SH2B1: variants seen among roughly 807,000 people sequenced by gnomAD.
The protein encoded by SH2B1 is SH2B adaptor protein 1.
SH2B1 carries 15 observed loss-of-function variants against 62.6 expected under a neutral mutation model. The observed-to-expected ratio is 0.24, with a 90% CI of 0.16 to 0.37. The LOEUF (loss-of-function observed/expected upper bound fraction) is 0.37. Among genes scored for constraint, SH2B1 ranks in the 10% least tolerant of loss-of-function variants. SH2B1 has a pLI of 1.00. For missense variants in SH2B1, 925 were observed against 1,015.6 expected (o/e 0.91, Z 1.21); for synonymous variants, 443 against 438.0 (o/e 1.01, Z -0.14).
chr16:28,870,222 G>A (rs573640880), intron 4 of SH2B1, among the ~76,000 whole-genome samples: 4 of 152,332 alleles, frequency 2.6e-5, no homozygotes, highest in East Asian at 3.9e-4. Context: ...TCTGTGTCCC[G>A]GGCCAGGATG....
upstream of SH2B1, among the ~76,000 whole-genome samples, chr16:28,861,189 G>A (rs1351484274): frequency 2.6e-5 from 4 of 152,094 alleles, no homozygotes; most frequent in Non-Finnish European, 5.9e-5. Flanking sequence ...CTGGAGTGCC[G>A]TGGGACGATT....
chr16:28,863,346 G>GT (rs1555511326), upstream of SH2B1: 2 of 240,688 alleles, frequency 8.3e-6, no homozygotes, highest in Non-Finnish European at 1.6e-5. Flanking sequence ...AACCAAGGTC[G>GT]TAAGTTCAGG....
At chr16:28,853,102 TTATA>T (rs1962238313) in intron 1 of SH2B1, among the ~76,000 whole-genome samples, 1 of 121,292 alleles carries the variant, frequency 8.2e-6, no homozygotes, top group Admixed American at 9.8e-5. Context: ...ACATATATAT[TTATA>T]TATACATTTA....
intron 1 of SH2B1, among the ~76,000 whole-genome samples, chr16:28,852,788 A>C (rs1374769612): frequency 2.3e-5 from 2 of 85,588 alleles, no homozygotes; most frequent in Admixed American, 2.1e-4. Flanking sequence ...ATATTTACAT[A>C]TATATTTACA....
At chr16:28,863,570 T>C, upstream of SH2B1, 9 of 1,083,590 alleles carry the variant, frequency 8.3e-6, no homozygotes, top group East Asian at 2.6e-5. Context: ...AGGCCGGTTC[T>C]CTATGGTCGA....
At position 28,866,046 on chromosome 16, in the gene SH2B1, C is replaced by G; in HGVS notation, c.-49C>G. 1 of 1,505,420 alleles carries G rather than the reference C, an allele frequency of 6.6e-7. No homozygotes were observed. 93.3% of individuals were successfully genotyped at this position (1,505,420 alleles called of 1,614,324 possible). On this transcript the variant is annotated 5_prime_UTR_variant, in exon 1 of 8. Transcript: ENST00000684370. This position sits in a 1 kb window ranked among gnomAD's most constrained non-coding sequence, Gnocchi z 6.3. Reference sequence around the variant, plus strand: ...CCCACCCCTCGTCTTCTGGCTGCCTCCCTCTTTGTGCCCCACAGGCTCCCC... The same window carrying G: ...CCCACCCCTCGTCTTCTGGCTGCCTGCCTCTTTGTGCCCCACAGGCTCCCC...
chr16:28,872,960 C>T lies in SH2B1; in HGVS notation c.1897+255C>T, dbSNP rs1184550240. On this transcript the variant is annotated intron_variant, in intron 7 of 7. Coordinates refer to ENST00000684370, the MANE Select transcript of SH2B1 (RefSeq NM_001387430.1). This position sits in a 1 kb window ranked among gnomAD's most constrained non-coding sequence, Gnocchi z 5.3. Reference sequence around the variant, plus strand: ...GTGGGCGGGCGCATCCCCATTCCATCGGATCCTCTGTTCCATTGTCTGTCT... The same window carrying T: ...GTGGGCGGGCGCATCCCCATTCCATTGGATCCTCTGTTCCATTGTCTGTCT... The T allele has an allele frequency of 4.7e-6, 3 of 638,650 alleles. No individual in the cohort carries two copies. The highest frequency in any genetic ancestry group is 8.2e-6 in the Non-Finnish European group (3 of 367,492). 39.6% of individuals were successfully genotyped at this position (638,650 alleles called of 1,614,324 possible).
In SH2B1 at chr16:28,866,315, A is replaced by G. The variant is rs368638960; in HGVS notation, c.221A>G (p.Gln74Arg). ...FSRRFAELFL[Q>R]HFEAEVARAS... ...CGCCGTTTTGCTGAGCTCTTCCTGC[A>G]GCACTTTGAAGCCGAGGTGGCCCGG... Residue 74 changes from glutamine (Q) to arginine (R), a missense_variant, in exon 1 of 8, where the codon CAG becomes CGG. Gln to Arg is a conservative substitution (Grantham distance 43, BLOSUM62 1). This residue lies in a region of SH2B1 where 683 missense variants were observed against 704.0 expected (regional missense o/e 0.97). Transcript: ENST00000684370. This position sits in a 1 kb window ranked among gnomAD's most constrained non-coding sequence, Gnocchi z 6.3. The G allele has an allele frequency of 6.2e-7, 1 of 1,611,696 alleles. No homozygotes were observed. The highest frequency in any genetic ancestry group is 2.2e-5 in the East Asian group (1 of 44,850).
In SH2B1 at chr16:28,864,077, A is replaced by C. The variant is rs1962551127; in HGVS notation, c.-2018A>C. Reference sequence around the variant, plus strand: ...GGGCTGGAGAGGCACTCGGCCCCGGAGAGTGCAGCAGACAGGGCTGGTCCC... The same window carrying C: ...GGGCTGGAGAGGCACTCGGCCCCGGCGAGTGCAGCAGACAGGGCTGGTCCC... On this transcript the variant is annotated 5_prime_UTR_variant, in exon 1 of 8. Transcript: ENST00000684370. 7.5e-7 allele frequency: 1 copy of C among 1,325,718 alleles called. No individual in the cohort carries two copies. Among genetic ancestry groups the C allele is most frequent in the African/African-American group, 1.5e-5 (1 of 66,220 alleles). The allele number at this position is 1,325,718 out of a possible 1,614,324, so 82.1% of individuals were successfully genotyped here.
intron 4 of SH2B1, among the ~76,000 whole-genome samples, chr16:28,871,533 C>G (rs556496848): frequency 6.6e-6 from 1 of 152,320 alleles, no homozygotes; most frequent in African/African-American, 2.4e-5. Flanking sequence ...GCTGTTGATT[C>G]AGAAAAAGAT....
intron 1 of SH2B1, among the ~76,000 whole-genome samples, chr16:28,852,261 CATAT>C (rs1156273952): frequency 2.8e-5 from 2 of 71,780 alleles, no homozygotes; most frequent in African/African-American, 1.6e-4. Flanking sequence ...TATATATTTA[CATAT>C]ATATATTTAC....
Position 28,866,681 on chromosome 16 carries a change from G to T in SH2B1, c.587G>T (p.Gly196Val), listed in dbSNP as rs1485010153. The T allele has an allele frequency of 1.9e-6, 3 of 1,604,992 alleles. No individual in the cohort carries two copies. The highest frequency in any genetic ancestry group is 2.6e-6 in the Non-Finnish European group (3 of 1,175,060). The change falls in exon 1 of 8, where the codon GGA becomes GTA. Residue 196 changes from glycine (G) to valine (V), a missense_variant. Gly to Val is a moderately radical substitution (Grantham distance 109). Transcript: ENST00000684370. This position sits in a 1 kb window ranked among gnomAD's most constrained non-coding sequence, Gnocchi z 6.3. ...ETSSGPPVLG[G>V]NSNSNSSGGA... ...TCGTCAGGCCCCCCAGTCTTAGGTG[G>T]AAACAGCAACTCCAACTCCTCTGGC... is the stretch of plus-strand genomic sequence containing the variant.
At chr16:28,854,369 C>T (rs1184988035) in intron 1 of SH2B1, among the ~76,000 whole-genome samples, 1 of 152,028 alleles carries the variant, frequency 6.6e-6, no homozygotes, top group Non-Finnish European at 1.5e-5. Flanking sequence ...CCTCACTGCA[C>T]TTGGAATAAA....
In SH2B1 at chr16:28,873,585, A is replaced by G; in HGVS notation, c.2036A>G (p.Glu679Gly). 1 of 1,575,482 alleles carries G rather than the reference A, an allele frequency of 6.3e-7. No homozygotes were observed. The highest frequency in any genetic ancestry group is 8.6e-7 in the Non-Finnish European group (1 of 1,161,024). The change falls in exon 8 of 8, where the codon GAG becomes GGG. Residue 679 changes from glutamate (E) to glycine (G), a missense_variant. Transcript: ENST00000684370. The surrounding 1 kb of genome is among the most constrained non-coding windows in gnomAD (Gnocchi z 4.2). ...AAAAAAKERQ[E>G]KEKAGGGGVP... ...GCCGCAGCAGCCAAAGAGAGGCAAG[A>G]GAAAGAGAAAGCGGGCGGTGGAGGG...
chr16:28,851,029 C>T (rs1962087157), intron 1 of SH2B1, among the ~76,000 whole-genome samples: 1 of 151,332 alleles, frequency 6.6e-6, no homozygotes, highest in South Asian at 2.1e-4. Context: ...CAAAAATTAG[C>T]TGGGCATGGT....
chr16:28,866,578 G>C lies in SH2B1; in HGVS notation c.484G>C (p.Val162Leu). Residue 162 changes from valine (V) to leucine (L), a missense_variant, in exon 1 of 8, where the codon GTC (valine) becomes CTC (leucine). Coordinates refer to ENST00000684370, the MANE Select transcript of SH2B1 (RefSeq NM_001387430.1). The surrounding 1 kb of genome is among the most constrained non-coding windows in gnomAD (Gnocchi z 6.3). ...TTCCCTGCGTTCAGTGGGTCGCTCT[G>C]TCCGAGGCTCAGTCCGTGGCATCCT... is the stretch of plus-strand genomic sequence containing the variant. ...RFSLRSVGRS[V>L]RGSVRGILQW... The C allele has an allele frequency of 6.2e-7, 1 of 1,614,038 alleles. No individual in the cohort carries two copies. The highest frequency in any genetic ancestry group is 8.5e-7 in the Non-Finnish European group (1 of 1,180,026).
intron 1 of SH2B1, among the ~76,000 whole-genome samples, chr16:28,847,443 A>G (rs1275919400): frequency 6.6e-6 from 1 of 152,070 alleles, no homozygotes; most frequent in East Asian, 1.9e-4. Context: ...TAGATTCCCT[A>G]ATTCCTCCCC....
At position 28,852,170 on chromosome 16, in the gene SH2B1, G is replaced by A. The variant is rs1452442437; in HGVS notation, c.-301+5343G>A. On this transcript the variant is annotated intron_variant, in intron 1 of 10. Coordinates refer to the SH2B1 transcript ENST00000322610. The stretch of plus-strand genomic sequence containing the variant: ...GTGAATAAACTATGAGCAAGACTCC[G>A]TATCCAAAAATATATATATTTTTAT... Among the ~76,000 whole-genome samples, 9 of 140,900 alleles carry A rather than the reference G, an allele frequency of 6.4e-5. 1 individual carries two copies. The highest frequency in any genetic ancestry group is 2.2e-4 in the South Asian group (1 of 4,646). 92.4% of individuals were successfully genotyped at this position (140,900 alleles called of 152,430 possible). A position where few individuals can be genotyped will look rare whatever the true frequency, so the allele number is the denominator to read the frequency against.
intron 1 of SH2B1, among the ~76,000 whole-genome samples, chr16:28,852,228 A>ATTTACATATATATATTTACATATATATT (rs1962120283): frequency 1.1e-5 from 1 of 92,888 alleles, no homozygotes; most frequent in Non-Finnish European, 2.0e-5. Flanking sequence ...TTACATATAT[A>ATTTACATATATATATTTACATATATATT]TTTACATATA....
Sources: allele counts gnomAD v4.1 joint callset (sites outside exome capture counted in the v4.1 genomes callset), GRCh38; gene constraint gnomAD v4.1.1; regional missense constraint gnomAD v4.1.1; non-coding constraint Gnocchi (gnomAD v3.1); transcripts MANE v1.5; gene names NCBI Gene and HGNC (gene_info 2026-07-23, HGNC 2026-07-21).